PIP5K1A: variants seen among roughly 807,000 people sequenced by gnomAD.
The protein encoded by PIP5K1A is phosphatidylinositol-4-phosphate 5-kinase type 1 alpha.
A neutral mutation model predicts 72.9 loss-of-function variants in PIP5K1A; 46 were observed. The observed-to-expected ratio is 0.63, with a 90% CI of 0.50 to 0.81. The LOEUF is 0.81. PIP5K1A is among the 30% of genes least tolerant of loss of function. PIP5K1A has a pLI of 0.00. For missense variants in PIP5K1A, 458 were observed against 706.1 expected, an observed-to-expected ratio of 0.65 and a Z score of 3.98; for synonymous variants, 228 against 255.1, an observed-to-expected ratio of 0.89 and a Z score of 1.01.
chr1:151,240,204 A>G (rs1376436811), intron 12 of PIP5K1A, 165 bp downstream of exon 12: 5 of 604,324 alleles, frequency 8.3e-6, no homozygotes, highest in East Asian at 3.1e-5. Flanking sequence ...TTAGTCTGTC[A>G]TAGTCATTTC....
At chr1:151,230,546 T>C (rs1263347980) in intron 4 of PIP5K1A, among the ~76,000 whole-genome samples, 1 of 152,196 alleles carries the variant, frequency 6.6e-6, no homozygotes, top group African/African-American at 2.4e-5. Context: ...TTTACCACAC[T>C]GTTGCCCTTT....
At chr1:151,226,577 G>A (rs1041441641) in intron 3 of PIP5K1A, among the ~76,000 whole-genome samples, 1 of 151,712 alleles carries the variant, frequency 6.6e-6, no homozygotes, top group African/African-American at 2.4e-5. Context: ...GCTGGGTGTG[G>A]TGGTGCATTC....
chr1:151,236,032 A>G (rs587751582), intron 8 of PIP5K1A, among the ~76,000 whole-genome samples: 2 of 150,954 alleles, frequency 1.3e-5, no homozygotes, highest in Admixed American at 6.6e-5. Context: ...GAGGCAGGAA[A>G]ATCGCTTGAA....
chr1:151,227,344 A>T lies in PIP5K1A; in HGVS notation c.181A>T (p.Ile61Phe). ...SLVPYASGMP[I>F]KKIGHRSVDS... is the part of the protein sequence containing the mutation. ...GGTGCCTTATGCCTCTGGCATGCCC[A>T]TCAAGAAAATAGGCCATAGAAGTGT... Residue 61 changes from isoleucine (I) to phenylalanine (F), a missense_variant, in exon 4 of 16, where the codon ATC (isoleucine) becomes TTC (phenylalanine). Ile to Phe is a conservative substitution (Grantham distance 21, BLOSUM62 0). Around this residue, in one of 3 missense-constraint regions of PIP5K1A, gnomAD observed 81 missense variants for 88.0 expected, o/e 0.92. Coordinates refer to ENST00000368888, the MANE Select transcript of PIP5K1A (RefSeq NM_001135638.2). 6.2e-7 allele frequency: 1 copy of T among 1,612,788 alleles called. No individual in the cohort carries two copies.
chr1:151,211,967 C>G (rs2102113171), intron 1 of PIP5K1A, among the ~76,000 whole-genome samples: 1 of 151,550 alleles, frequency 6.6e-6, no homozygotes, highest in African/African-American at 2.4e-5. Flanking sequence ...AAAAAATTAG[C>G]TGGGTGTGGT....
chr1:151,234,698 T>C (rs1235392400), intron 8 of PIP5K1A, among the ~76,000 whole-genome samples: 2 of 152,228 alleles, frequency 1.3e-5, no homozygotes, highest in Admixed American at 1.3e-4. Context: ...TGGGATTTAT[T>C]TCCTTCTCTA....
intron 15 of PIP5K1A, among the ~76,000 whole-genome samples, chr1:151,247,423 A>G (rs587775841): frequency 6.7e-6 from 1 of 148,966 alleles, no homozygotes; most frequent in East Asian, 2.0e-4. Flanking sequence ...CATTGCACCC[A>G]GCCATCGTGT....
chr1:151,239,834 G>A lies in PIP5K1A; in HGVS notation c.1279-121G>A, dbSNP rs1020679848. ...TGAGCCACTACGTCTGGCCCCTTCCGTTTATTTCATCTGTAGGTTTTACCC... is the reference window on the plus strand; with the variant it reads ...TGAGCCACTACGTCTGGCCCCTTCCATTTATTTCATCTGTAGGTTTTACCC... On this transcript the variant is annotated intron_variant, in intron 11 of 15. Coordinates refer to ENST00000368888, the MANE Select transcript of PIP5K1A (RefSeq NM_001135638.2). 5.5e-5 allele frequency: 40 copies of A among 727,182 alleles called. 1 individual carries two copies. The highest frequency in any genetic ancestry group is 7.4e-4 in the Middle Eastern group (2 of 2,694). 45.0% of individuals were successfully genotyped at this position (727,182 alleles called of 1,614,324 possible). A position where few individuals can be genotyped will look rare whatever the true frequency, so the allele number is the denominator to read the frequency against.
upstream of PIP5K1A, among the ~76,000 whole-genome samples, chr1:151,197,018 G>C (rs1358365652): frequency 6.6e-6 from 1 of 151,392 alleles, no homozygotes; most frequent in Non-Finnish European, 1.5e-5. Flanking sequence ...CCGCCACCAC[G>C]CCCAGCTAAT....
At chr1:151,210,075 G>T (rs1427401300) in intron 1 of PIP5K1A, among the ~76,000 whole-genome samples, 1 of 151,746 alleles carries the variant, frequency 6.6e-6, no homozygotes, top group Non-Finnish European at 1.5e-5. Flanking sequence ...GTAGAGACGG[G>T]GTTTTGCCAT....
intron 12 of PIP5K1A, among the ~76,000 whole-genome samples, chr1:151,241,228 G>A (rs587608199): frequency 3.6e-4 from 55 of 152,006 alleles, no homozygotes; most frequent in Admixed American, 3.3e-3. Flanking sequence ...GGGGCCAAGC[G>A]CAGTGTCTCA....
At chr1:151,206,557 TTTTTGTTTTGTTTTG>T in intron 1 of PIP5K1A, among the ~76,000 whole-genome samples, 1 of 152,214 alleles carries the variant, frequency 6.6e-6, no homozygotes, top group East Asian at 1.9e-4. Flanking sequence ...ATTAATACTT[TTTTTGTTTTGTTTTG>T]TTTTGTTTTT....
At chr1:151,226,821 A>G (rs975563392) in intron 3 of PIP5K1A, among the ~76,000 whole-genome samples, 1 of 151,778 alleles carries the variant, frequency 6.6e-6, no homozygotes, top group Non-Finnish European at 1.5e-5. Context: ...GAGGTCAGCA[A>G]TTTGAGATCA....
At chr1:151,203,511 A>G (rs587735313) in intron 1 of PIP5K1A, among the ~76,000 whole-genome samples, 1 of 150,404 alleles carries the variant, frequency 6.6e-6, no homozygotes, top group Non-Finnish European at 1.5e-5. Context: ...CCTGGGGGAC[A>G]AGAGTGAAAC....
chr1:151,237,542 C>G lies in PIP5K1A; in HGVS notation c.1146-640C>G, dbSNP rs149196157. Among the ~76,000 whole-genome samples the G allele has an allele frequency of 4.6e-3, 693 of 152,168 alleles. 7 individuals carry two copies. The highest frequency in any genetic ancestry group is 0.016 in the African/African-American group (658 of 41,520). The stretch of plus-strand genomic sequence containing the variant: ...GAGTGTGATGGTGAGCACCTGTGGT[C>G]CCAGCTACTCAGGAGGCTGATGAGG... On this transcript the variant is annotated intron_variant, in intron 9 of 15. Transcript: ENST00000368888.
intron 1 of PIP5K1A, among the ~76,000 whole-genome samples, chr1:151,223,689 A>G (rs1332554736): frequency 6.6e-6 from 1 of 151,526 alleles, no homozygotes; most frequent in African/African-American, 2.4e-5. Context: ...TCTAAAAAAT[A>G]AAAATTAAAA....
intron 8 of PIP5K1A, among the ~76,000 whole-genome samples, chr1:151,234,761 T>A (rs1447561583): frequency 1.3e-5 from 2 of 152,234 alleles, no homozygotes; most frequent in African/African-American, 2.4e-5. Flanking sequence ...ACCAACATCA[T>A]CCTTCCTCAG....
At chr1:151,196,506 A>C (rs1224024240), upstream of PIP5K1A, among the ~76,000 whole-genome samples, 1 of 150,982 alleles carries the variant, frequency 6.6e-6, no homozygotes, top group African/African-American at 2.4e-5. Context: ...ATTATCTTAG[A>C]TCTTCATAAG....
chr1:151,199,215 A>G (rs1278345548), intron 1 of PIP5K1A, 134 bp downstream of exon 1: 4 of 1,512,598 alleles, frequency 2.6e-6, no homozygotes, highest in Non-Finnish European at 2.7e-6. Flanking sequence ...GGGCTTTCAA[A>G]TAGGGATTTA....
Sources: gnomAD v4.1 joint callset for allele counts (sites outside exome capture counted in the v4.1 genomes callset) on GRCh38, gnomAD v4.1.1 for gene constraint, gnomAD v4.1.1 regional missense constraint, MANE v1.5 for transcripts, NCBI Gene and HGNC (gene_info 2026-07-23, HGNC 2026-07-21) for gene names.